COL19A1: variants seen among roughly 807,000 people sequenced by gnomAD.
COL19A1 encodes collagen alpha-1(XIX) chain.
COL19A1 carries 159 observed loss-of-function variants against 190.2 expected under a neutral mutation model. The observed-to-expected ratio is 0.84, with a 90% confidence interval of 0.73 to 0.95. COL19A1 has a LOEUF of 0.95. Among genes scored for constraint, COL19A1 ranks in the 40% least tolerant of loss-of-function variants. The probability of loss-of-function intolerance (pLI) is 0.00; values close to 1 mark genes in which losing one functional copy is unlikely to be tolerated. For missense variants in COL19A1, 1,418 were observed against 1,431.9 expected (o/e 0.99, Z 0.16); for synonymous variants, 509 against 458.9 (o/e 1.11, Z -1.39).
At chr6:70,145,221 T>C (rs1786545199) in intron 25 of COL19A1, among the ~76,000 whole-genome samples, 1 of 152,150 alleles carries the variant, frequency 6.6e-6, no homozygotes, top group Admixed American at 6.6e-5. Context: ...AAGACAGATG[T>C]ATTCGTATGT....
chr6:70,054,728 G>A (rs1217406720), intron 14 of COL19A1, among the ~76,000 whole-genome samples: 1 of 152,074 alleles, frequency 6.6e-6, no homozygotes, highest in East Asian at 1.9e-4. Context: ...CAACTACATA[G>A]CATTTGGGAA....
At chr6:69,925,525 C>T (rs1380595476) in intron 4 of COL19A1, among the ~76,000 whole-genome samples, 1 of 152,126 alleles carries the variant, frequency 6.6e-6, no homozygotes, top group Non-Finnish European at 1.5e-5. Context: ...AGTGTGATGC[C>T]TCCAGCTTTT....
At chr6:69,891,026 C>G in intron 2 of COL19A1, 1 of 358,418 alleles carries the variant, frequency 2.8e-6, no homozygotes. Flanking sequence ...GGGCCATTGT[C>G]AGAGGCTCCA....
At chr6:70,068,304 C>A in intron 14 of COL19A1, 119 bp from the exon 15 acceptor site, 1 of 731,688 alleles carries the variant, frequency 1.4e-6, no homozygotes. Context: ...CTTGAAAGAG[C>A]TCAAATTACT....
chr6:70,076,358 A>G (rs781097596), intron 15 of COL19A1, among the ~76,000 whole-genome samples: 1 of 152,232 alleles, frequency 6.6e-6, no homozygotes, highest in Non-Finnish European at 1.5e-5. Flanking sequence ...AAATAGGGAT[A>G]TTGAGAATTT....
At chr6:70,107,383 T>G (rs1032169292) in intron 16 of COL19A1, among the ~76,000 whole-genome samples, 2 of 152,186 alleles carry the variant, frequency 1.3e-5, no homozygotes, top group African/African-American at 4.8e-5. Flanking sequence ...AACAATTTTC[T>G]TAATGTTTCC....
rs552430140 is a variant in COL19A1 at position 70,032,090 on chromosome 6, G to A, written c.1081-2155G>A. 4.6e-5 allele frequency among the ~76,000 whole-genome samples: 7 copies of A among 152,212 alleles called. No individual in the cohort carries two copies. In the South Asian group the frequency reaches 1.5e-3, roughly 32 times the overall value. On this transcript the variant is annotated intron_variant, in intron 12 of 50. Coordinates refer to ENST00000620364, the MANE Select transcript of COL19A1 (RefSeq NM_001858.6). ...ATGAGTAGAGGGAGGGATGTCACTG[G>A]ATAGAAAATTACTAAGAGGAGACAT...
chr6:69,908,029 A>G (rs192521911), intron 4 of COL19A1, among the ~76,000 whole-genome samples: 90 of 152,328 alleles, frequency 5.9e-4, no homozygotes, highest in African/African-American at 2.0e-3. Flanking sequence ...CTTAGACTGC[A>G]TGACTCAAAT....
intron 44 of COL19A1, 54 bp downstream of exon 44, chr6:70,180,577 A>G (rs569099370): frequency 1.3e-6 from 2 of 1,545,702 alleles, no homozygotes; most frequent in Non-Finnish European, 1.8e-6. Context: ...CTCTAACATT[A>G]TCTCCTCATC....
intron 25 of COL19A1, among the ~76,000 whole-genome samples, chr6:70,145,455 T>G (rs369837191): frequency 1.3e-5 from 2 of 152,214 alleles, no homozygotes; most frequent in Admixed American, 6.5e-5. Flanking sequence ...TCCTCACTTA[T>G]AAGTGGGAGC....
At chr6:70,024,888 C>G (rs1222745727) in intron 12 of COL19A1, among the ~76,000 whole-genome samples, 1 of 152,168 alleles carries the variant, frequency 6.6e-6, no homozygotes, top group East Asian at 1.9e-4. Flanking sequence ...TCACCTCTTA[C>G]TCCTGTCATT....
chr6:69,925,761 T>C (rs1023842477), intron 4 of COL19A1, among the ~76,000 whole-genome samples: 3 of 152,080 alleles, frequency 2.0e-5, no homozygotes, highest in South Asian at 2.1e-4. Context: ...TTTTATTTCA[T>C]TGAGCAGTGG....
chr6:70,160,171 C>T (rs1787705906), intron 34 of COL19A1, among the ~76,000 whole-genome samples: 1 of 152,008 alleles, frequency 6.6e-6, no homozygotes, highest in Non-Finnish European at 1.5e-5. Flanking sequence ...GTTTAATTGA[C>T]CCACAGCTCC....
intron 11 of COL19A1, among the ~76,000 whole-genome samples, chr6:69,973,290 T>C (rs1238663013): frequency 1.3e-5 from 2 of 152,198 alleles, no homozygotes; most frequent in Admixed American, 6.5e-5. Flanking sequence ...AGGATCTGCC[T>C]GTGCCATAGA....
chr6:69,995,058 TTTCTC>T (rs1217197957), intron 11 of COL19A1, among the ~76,000 whole-genome samples: 3 of 152,182 alleles, frequency 2.0e-5, no homozygotes, highest in Non-Finnish European at 4.4e-5. Context: ...TCTCTCTTTC[TTTCTC>T]TTAAGACTCA....
At chr6:70,106,429 A>C (rs1783972791) in intron 16 of COL19A1, among the ~76,000 whole-genome samples, 1 of 152,044 alleles carries the variant, frequency 6.6e-6, no homozygotes, top group South Asian at 2.1e-4. Context: ...AATAATGGAA[A>C]ATTTACTAAC....
At chr6:69,915,573 T>G (rs1771237401) in intron 4 of COL19A1, among the ~76,000 whole-genome samples, 1 of 152,166 alleles carries the variant, frequency 6.6e-6, no homozygotes. Context: ...TAGATAACAA[T>G]GGCAGGCCCT....
In COL19A1 at chr6:69,981,040, ATTT is replaced by A. The variant is rs577873500; in HGVS notation, c.1026+18174_1026+18176del. 1.1e-3 allele frequency among the ~76,000 whole-genome samples: 167 copies of A among 152,318 alleles called. 1 individual carries two copies. The highest frequency in any genetic ancestry group is 3.1e-3 in the Admixed American group (48 of 15,302). On this transcript the variant is annotated intron_variant, in intron 11 of 50. Coordinates refer to ENST00000620364, the MANE Select transcript of COL19A1 (RefSeq NM_001858.6). ...ATATTACATGCATGTGATGGCCTTT[ATTT>A]TTTAAGTGGTATAAGCTTTAATACA... is the stretch of plus-strand genomic sequence containing the variant.
chr6:70,054,041 T>C (rs1409739638), intron 14 of COL19A1, among the ~76,000 whole-genome samples: 2 of 152,196 alleles, frequency 1.3e-5, no homozygotes, highest in East Asian at 3.8e-4. Flanking sequence ...AAATTGAGTC[T>C]AATGACAAAA....
Sources: allele counts gnomAD v4.1 joint callset (sites outside exome capture counted in the v4.1 genomes callset), GRCh38; gene constraint gnomAD v4.1.1; transcripts MANE v1.5; gene names NCBI Gene and HGNC (gene_info 2026-07-23, HGNC 2026-07-21).